ESS2: variants seen among roughly 807,000 people sequenced by gnomAD.
ESS2 encodes splicing factor ESS-2 homolog.
A neutral mutation model predicts 52.0 loss-of-function variants in ESS2; 31 were observed. That is an observed-to-expected ratio of 0.60 (90% confidence interval 0.45 to 0.81). The LOEUF is 0.81. ESS2 is among the 30% of genes least tolerant of loss of function. The pLI is 0.00. For missense variants in ESS2, 602 were observed against 637.2 expected, an observed-to-expected ratio of 0.94 and a Z score of 0.59; for synonymous variants, 285 against 259.2, an observed-to-expected ratio of 1.10 and a Z score of -0.95.
intron 3 of ESS2, 93 bp from the exon 4 acceptor site, chr22:19,140,117 C>A: frequency 1.4e-6 from 2 of 1,465,860 alleles, no homozygotes; most frequent in South Asian, 2.4e-5. Context: ...CCCCAACATG[C>A]AGGGCTGGAA....
rs1287968284 is a variant in ESS2, at chr22:19,132,404, C to G, written c.*1792G>C. On this transcript the variant is annotated 3_prime_UTR_variant, in exon 10 of 10. Coordinates refer to ENST00000252137, the MANE Select transcript of ESS2 (RefSeq NM_022719.3). This position sits in a 1 kb window ranked among gnomAD's most constrained non-coding sequence, Gnocchi z 4.2. ...CCGAGAACGAGAACAGGATGGAGGA[C>G]AGGCTGGCCGAGACCTCCAGGGCCA... is the stretch of plus-strand genomic sequence containing the variant. 1 of 1,612,888 alleles carries G rather than the reference C, an allele frequency of 6.2e-7. No homozygotes were observed. The highest frequency in any genetic ancestry group is 1.1e-5 in the South Asian group (1 of 91,080).
intron 6 of ESS2, 82 bp downstream of exon 6, chr22:19,139,077 A>C: frequency 1.3e-6 from 2 of 1,500,748 alleles, no homozygotes; most frequent in Non-Finnish European, 1.8e-6. Flanking sequence ...TGCCAAGCTC[A>C]AAGAGATGGG....
chr22:19,137,629 A>C, intron 7 of ESS2, 197 bp from the exon 8 acceptor site: 1 of 711,638 alleles, frequency 1.4e-6, no homozygotes, highest in African/African-American at 1.9e-5. Context: ...AGCAGGCCCG[A>C]GGCAGGCTCA....
rs145863577 is a variant in ESS2, at chr22:19,131,883, C to G, written c.*2313G>C. On this transcript the variant is annotated 3_prime_UTR_variant, in exon 10 of 10. Transcript: ENST00000252137. The surrounding 1 kb of genome is among the most constrained non-coding windows in gnomAD (Gnocchi z 5.7). Reference sequence around the variant, plus strand: ...TGACTTTGGCTTCTCCAAGCGCTGCCTGCGGGACAGCAATGGGCGCATCAT... The same window carrying G: ...TGACTTTGGCTTCTCCAAGCGCTGCGTGCGGGACAGCAATGGGCGCATCAT... 1 of 1,614,048 alleles carries G rather than the reference C, an allele frequency of 6.2e-7. No individual in the cohort carries two copies. The highest frequency in any genetic ancestry group is 8.5e-7 in the Non-Finnish European group (1 of 1,180,042).
At chr22:19,138,060 T>G in intron 7 of ESS2, 155 bp downstream of exon 7, 3 of 985,396 alleles carry the variant, frequency 3.0e-6, no homozygotes, top group Non-Finnish European at 3.6e-6. Context: ...ACCTGGCCTC[T>G]AGGGCCTTGT....
chr22:19,131,687 C>A lies in ESS2; in HGVS notation c.*2509G>T, dbSNP rs761090528. On this transcript the variant is annotated 3_prime_UTR_variant, in exon 10 of 10. Transcript: ENST00000252137. The surrounding 1 kb of genome is among the most constrained non-coding windows in gnomAD (Gnocchi z 5.7). ...TCATCATGGAGCTTGGCGTCCAGGG[C>A]GACCTCCTCGAGTTCATCAAGTGCC... The A allele has an allele frequency of 6.2e-7, 1 of 1,614,054 alleles. No homozygotes were observed. Among genetic ancestry groups the A allele is most frequent in the African/African-American group, 1.3e-5 (1 of 75,008 alleles).
chr22:19,142,390 C>T lies in ESS2; in HGVS notation c.400+148G>A, dbSNP rs535628800. On this transcript the variant is annotated intron_variant, in intron 3 of 9. Coordinates refer to ENST00000252137, the MANE Select transcript of ESS2 (RefSeq NM_022719.3). ...GATGTTCTACCACCTAGACCAATGTCCTTTGACTTCACAGGCTGCTATTTA... is the reference window on the plus strand; with the variant it reads ...GATGTTCTACCACCTAGACCAATGTTCTTTGACTTCACAGGCTGCTATTTA... The T allele has an allele frequency of 3.1e-5, 22 of 720,628 alleles. No homozygotes were observed. The African/African-American group carries it at 3.4e-4, about 11-fold the overall frequency. 44.6% of individuals were successfully genotyped at this position (720,628 alleles called of 1,614,324 possible). A position where few individuals can be genotyped will look rare whatever the true frequency, so the allele number is the denominator to read the frequency against.
In ESS2 at chr22:19,138,294, G is replaced by A. The variant is rs938269730; in HGVS notation, c.846C>T (p.Pro282=). The part of the protein sequence containing the change: ...NAQHKQGKVG[P]DGKELIPQES... ...CCTGGGGGATCAGCTCCTTGCCATC[G>A]GGGCCCACCTTGCCCTGTTTGTGCT... The change falls in exon 7 of 10, where the codon CCC becomes CCT. Residue 282 remains proline, a synonymous_variant. Transcript: ENST00000252137. The A allele has an allele frequency of 1.1e-5, 17 of 1,613,672 alleles. No homozygotes were observed. The highest frequency in any genetic ancestry group is 5.5e-5 in the South Asian group (5 of 91,066).
chr22:19,135,729 C>T (rs373825654), intron 8 of ESS2, among the ~76,000 whole-genome samples: 3 of 152,174 alleles, frequency 2.0e-5, no homozygotes, highest in East Asian at 3.9e-4. Flanking sequence ...TCCCTCCTAA[C>T]TTAAGATTAG....
intron 1 of ESS2, among the ~76,000 whole-genome samples, chr22:19,143,163 C>A (rs1171109051): frequency 6.6e-6 from 1 of 150,912 alleles, no homozygotes; most frequent in Admixed American, 6.6e-5. Context: ...CAAGATCACA[C>A]CCCTGCACTC....
At position 19,130,789 on chromosome 22, in the gene ESS2, C is replaced by T. The variant is rs2083499086; in HGVS notation, c.*3407G>A. On this transcript the variant is annotated 3_prime_UTR_variant, in exon 10 of 10. Transcript: ENST00000252137. Reference sequence around the variant, plus strand: ...GCTTTGATGTCTGGGCACTGATTTCCCTAGATTTAACTATGTGCTCAATGG... The same window carrying T: ...GCTTTGATGTCTGGGCACTGATTTCTCTAGATTTAACTATGTGCTCAATGG... 1 of 213,164 alleles carries T rather than the reference C, an allele frequency of 4.7e-6. No homozygotes were observed. Among genetic ancestry groups the T allele is most frequent in the Non-Finnish European group, 9.4e-6 (1 of 106,548 alleles). 13.2% of individuals were successfully genotyped at this position (213,164 alleles called of 1,614,324 possible).
chr22:19,139,553 C>T, intron 5 of ESS2, 59 bp downstream of exon 5: 1 of 1,522,982 alleles, frequency 6.6e-7, no homozygotes, highest in Non-Finnish European at 9.1e-7. Flanking sequence ...CCAAACACAG[C>T]CAGACACACA....
Position 19,130,465 on chromosome 22 carries a change from G to A in ESS2, c.*3731C>T, listed in dbSNP as rs2083496290. On this transcript the variant is annotated 3_prime_UTR_variant, in exon 10 of 10. Coordinates refer to ENST00000252137, the MANE Select transcript of ESS2 (RefSeq NM_022719.3). ...ATTTTGTTCCAAGGAGAAGGTCAGA[G>A]GCAAAAAAAATGCTTGCTAAGTCCG... 3.4e-6 allele frequency: 1 copy of A among 294,860 alleles called. No individual in the cohort carries two copies. Among genetic ancestry groups the A allele is most frequent in the Non-Finnish European group, 6.5e-6 (1 of 153,638 alleles). 18.3% of individuals were successfully genotyped at this position (294,860 alleles called of 1,614,324 possible).
At chr22:19,135,384 T>G (rs1241499629) in intron 8 of ESS2, among the ~76,000 whole-genome samples, 1 of 152,228 alleles carries the variant, frequency 6.6e-6, no homozygotes, top group Admixed American at 6.5e-5. Context: ...GTCTTCGTGT[T>G]CCTCCCAAAA....
Position 19,134,748 on chromosome 22 carries a change from T to C in ESS2, c.1152-273A>G, listed in dbSNP as rs915228100. ...CTCTGAGAGTTGGAGTCCCCACCCC[T>C]CTCCAAGGGGAACGATGACTCTCTC... On this transcript the variant is annotated intron_variant, in intron 9 of 9. Transcript: ENST00000252137. 6.6e-5 allele frequency among the ~76,000 whole-genome samples: 10 copies of C among 152,010 alleles called. 1 individual carries two copies. Among genetic ancestry groups the C allele is most frequent in the African/African-American group, 2.4e-4 (10 of 41,448 alleles).
In ESS2 at chr22:19,132,515, T is replaced by C. The variant is rs778694870; in HGVS notation, c.*1681A>G. 21 of 1,558,148 alleles carry C rather than the reference T, an allele frequency of 1.3e-5. No homozygotes were observed. Among genetic ancestry groups the C allele is most frequent in the African/African-American group, 4.1e-5 (3 of 73,428 alleles). On this transcript the variant is annotated 3_prime_UTR_variant, in exon 10 of 10. Coordinates refer to ENST00000252137, the MANE Select transcript of ESS2 (RefSeq NM_022719.3). This position sits in a 1 kb window ranked among gnomAD's most constrained non-coding sequence, Gnocchi z 4.2. ...CCGTTGTGTGTGGTGGGGGTCGGGGTTGGGGGGCATGGTGCAGTCGGCCTT... is the reference window on the plus strand; with the variant it reads ...CCGTTGTGTGTGGTGGGGGTCGGGGCTGGGGGGCATGGTGCAGTCGGCCTT...
intron 3 of ESS2, 67 bp from the exon 4 acceptor site, chr22:19,140,091 G>A: frequency 1.3e-6 from 2 of 1,572,926 alleles, no homozygotes; most frequent in Non-Finnish European, 1.7e-6. Flanking sequence ...GGACACCCAG[G>A]CCCAGGAATC....
chr22:19,134,685 C>T (rs1403816216), intron 9 of ESS2, among the ~76,000 whole-genome samples: 3 of 152,108 alleles, frequency 2.0e-5, no homozygotes, highest in Non-Finnish European at 4.4e-5. Flanking sequence ...AACAGCAGCA[C>T]CGCCCTTGGC....
In ESS2 at chr22:19,134,058, C is replaced by A. The variant is rs1382129863; in HGVS notation, c.*138G>T. On this transcript the variant is annotated 3_prime_UTR_variant, in exon 10 of 10. Transcript: ENST00000252137. The stretch of plus-strand genomic sequence containing the variant: ...GTGCCAGTCTGGCCCCAGCACAGCC[C>A]CTTTCTCCAGTGACTCCTGGTATGG... 3.7e-6 allele frequency: 4 copies of A among 1,087,230 alleles called. No homozygotes were observed. The East Asian group carries it at 1.3e-4, about 34-fold the overall frequency. The allele number at this position is 1,087,230 out of a possible 1,614,324, so 67.3% of individuals were successfully genotyped here.
Sources: allele counts gnomAD v4.1 joint callset (sites outside exome capture counted in the v4.1 genomes callset), GRCh38; gene constraint gnomAD v4.1.1; non-coding constraint Gnocchi (gnomAD v3.1); transcripts MANE v1.5; gene names NCBI Gene and HGNC (gene_info 2026-07-23, HGNC 2026-07-21).